MCUB: variants seen among roughly 807,000 people sequenced by gnomAD.
MCUB encodes calcium uniporter regulatory subunit MCUb, mitochondrial.
A neutral mutation model predicts 41.4 loss-of-function variants in MCUB; 46 were observed. That is an observed-to-expected ratio of 1.11 (90% CI 0.88 to 1.42). The LOEUF (loss-of-function observed/expected upper bound fraction) is 1.42, where lower values mean the gene tolerates loss of function less well. MCUB is among the 40% of genes most tolerant of loss of function. The pLI, the probability that MCUB is intolerant of heterozygous loss-of-function variation, is 0.00. For synonymous variants in MCUB, 148 were observed against 148.2 expected, an observed-to-expected ratio of 1.00 and a Z score of 0.01; for missense variants, 403 against 404.9, an observed-to-expected ratio of 1.00 and a Z score of 0.04.
intron 1 of MCUB, among the ~76,000 whole-genome samples, chr4:109,581,971 C>T (rs576650262): frequency 2.6e-4 from 40 of 152,238 alleles, no homozygotes; most frequent in South Asian, 1.7e-3. Flanking sequence ...GTCAGTGTGG[C>T]GATTCCTCAG....
chr4:109,664,557 TG>T (rs1278563492), intron 4 of MCUB, among the ~76,000 whole-genome samples, 163 bp downstream of exon 4: 1 of 152,084 alleles, frequency 6.6e-6, no homozygotes. Context: ...CCAGAGTAGC[TG>T]GGACTACCTG....
intron 1 of MCUB, among the ~76,000 whole-genome samples, chr4:109,595,727 G>A (rs1265187637): frequency 6.6e-6 from 1 of 152,280 alleles, no homozygotes; most frequent in African/African-American, 2.4e-5. Context: ...CTGTGGGAGT[G>A]AATAGCTGAG....
At chr4:109,627,644 G>A (rs1239055994) in intron 1 of MCUB, among the ~76,000 whole-genome samples, 2 of 152,188 alleles carry the variant, frequency 1.3e-5, no homozygotes, top group South Asian at 4.1e-4. Flanking sequence ...TGGGCACGGT[G>A]GTTCACACCT....
chr4:109,662,734 G>A (rs1729254716), intron 3 of MCUB, among the ~76,000 whole-genome samples: 1 of 152,076 alleles, frequency 6.6e-6, no homozygotes, highest in South Asian at 2.1e-4. Context: ...TTTTTAGTAA[G>A]ATTTTAAGGA....
At chr4:109,602,230 C>T (rs1190682803) in intron 1 of MCUB, among the ~76,000 whole-genome samples, 4 of 152,056 alleles carry the variant, frequency 2.6e-5, no homozygotes, top group Non-Finnish European at 5.9e-5. Flanking sequence ...GATGTGAGTC[C>T]ATTTGTCCAT....
At chr4:109,643,989 C>A (rs994256943) in intron 1 of MCUB, among the ~76,000 whole-genome samples, 1 of 152,010 alleles carries the variant, frequency 6.6e-6, no homozygotes, top group African/African-American at 2.4e-5. Context: ...TTTGGGGGAG[C>A]CTCGCTGAAC....
intron 1 of MCUB, among the ~76,000 whole-genome samples, chr4:109,577,230 A>G (rs1367782707): frequency 6.6e-6 from 1 of 152,232 alleles, no homozygotes; most frequent in East Asian, 1.9e-4. Context: ...TCCTCAGTCC[A>G]GGTTAAAACT....
chr4:109,597,746 C>G (rs1354627302), intron 1 of MCUB, among the ~76,000 whole-genome samples: 4 of 144,766 alleles, frequency 2.8e-5, no homozygotes, highest in African/African-American at 1.1e-4. Context: ...ACCCCCCCAC[C>G]TCCCTCCCGG....
At chr4:109,628,861 C>G (rs1444090818) in intron 1 of MCUB, among the ~76,000 whole-genome samples, 3 of 152,198 alleles carry the variant, frequency 2.0e-5, no homozygotes, top group African/African-American at 7.2e-5. Context: ...CAGTCTGCCT[C>G]TGAAGCCTGC....
At chr4:109,678,672 C>T (rs531959234) in intron 4 of MCUB, among the ~76,000 whole-genome samples, 194 of 142,618 alleles carry the variant, frequency 1.4e-3, no homozygotes, top group African/African-American at 4.8e-3. Flanking sequence ...TCAGATGGGG[C>T]GGCCAGGCAG....
chr4:109,566,637 G>A (rs1281054809), intron 1 of MCUB, among the ~76,000 whole-genome samples: 1 of 151,984 alleles, frequency 6.6e-6, no homozygotes, highest in Non-Finnish European at 1.5e-5. Context: ...TATTCCCCTG[G>A]TAAAACAACA....
chr4:109,563,893 A>G (rs1156580398), intron 1 of MCUB, among the ~76,000 whole-genome samples: 1 of 151,624 alleles, frequency 6.6e-6, no homozygotes, highest in Non-Finnish European at 1.5e-5. Context: ...AGCCCACAGC[A>G]CTTCTTAAAA....
At chr4:109,594,137 C>T (rs1275914895) in intron 1 of MCUB, among the ~76,000 whole-genome samples, 3 of 152,196 alleles carry the variant, frequency 2.0e-5, no homozygotes, top group Non-Finnish European at 4.4e-5. Flanking sequence ...ACTAGCCTGT[C>T]ACTTCTCTTT....
chr4:109,628,911 G>T (rs1294663303), intron 1 of MCUB, among the ~76,000 whole-genome samples: 1 of 152,166 alleles, frequency 6.6e-6, no homozygotes, highest in Non-Finnish European at 1.5e-5. Flanking sequence ...TTATAGACTG[G>T]AGTCTAGGAG....
chr4:109,643,745 C>G (rs1361193203), intron 1 of MCUB, among the ~76,000 whole-genome samples: 1 of 151,250 alleles, frequency 6.6e-6, no homozygotes, highest in Non-Finnish European at 1.5e-5. Flanking sequence ...CTCAGGTGAT[C>G]CGCCCACCTC....
chr4:109,622,545 G>A (rs116907511), intron 1 of MCUB, among the ~76,000 whole-genome samples: 2 of 152,254 alleles, frequency 1.3e-5, no homozygotes, highest in East Asian at 1.9e-4. Context: ...AGGATGTTTC[G>A]TTTCTTTTAG....
At chr4:109,671,676 C>T (rs1729462722) in intron 4 of MCUB, among the ~76,000 whole-genome samples, 1 of 152,196 alleles carries the variant, frequency 6.6e-6, no homozygotes, top group Admixed American at 6.5e-5. Context: ...GCTTTACTAT[C>T]CTACTCTGAT....
chr4:109,677,862 G>C (rs1048237350), intron 4 of MCUB, among the ~76,000 whole-genome samples: 23 of 137,276 alleles, frequency 1.7e-4, no homozygotes, highest in African/African-American at 2.9e-4. Context: ...GTGTTTCTCG[G>C]AGAGGGGGAT....
At chr4:109,664,230 G>C (rs1729293348) in intron 3 of MCUB, 60 bp from the exon 4 acceptor site, 1 of 840,048 alleles carries the variant, frequency 1.2e-6, no homozygotes, top group Non-Finnish European at 2.1e-6. Context: ...CTATGTGTTG[G>C]AAAATGGTTC....
Sources: gnomAD v4.1 joint callset for allele counts (sites outside exome capture counted in the v4.1 genomes callset) on GRCh38, gnomAD v4.1.1 for gene constraint, MANE v1.5 for transcripts, NCBI Gene and HGNC (gene_info 2026-07-23, HGNC 2026-07-21) for gene names.